The following RIMS1 variants were observed in gnomAD, a reference collection of about 807,000 sequenced individuals.
The protein encoded by RIMS1 is regulating synaptic membrane exocytosis protein 1.
In RIMS1, 83 loss-of-function variants were observed where a neutral mutation model predicts 214.1. The observed-to-expected ratio is 0.39, with a 90% confidence interval of 0.32 to 0.47. The LOEUF is 0.47. Ranked by LOEUF, RIMS1 falls within the 20% of genes least tolerant of loss-of-function variation. The pLI is 0.99. For synonymous variants in RIMS1, 793 were observed against 786.8 expected, an observed-to-expected ratio of 1.01 and a Z score of -0.13; for missense variants, 2,050 against 2,161.8, an observed-to-expected ratio of 0.95 and a Z score of 1.03.
chr6:72,200,022 C>A (rs1402473650), intron 6 of RIMS1, among the ~76,000 whole-genome samples: 2 of 151,878 alleles, frequency 1.3e-5, no homozygotes, highest in Non-Finnish European at 2.9e-5. Context: ...TAATTTTTAT[C>A]ATATGCATGC....
chr6:72,250,699 G>A (rs17783419), intron 13 of RIMS1, among the ~76,000 whole-genome samples: 1,691 of 152,058 alleles, frequency 0.011, 9 homozygotes, highest in Non-Finnish European at 0.017. Flanking sequence ...CTTTGATAGC[G>A]ACACATCATT....
intron 1 of RIMS1, among the ~76,000 whole-genome samples, chr6:71,909,535 G>T (rs1044772627): frequency 4.0e-5 from 6 of 151,790 alleles, no homozygotes; most frequent in Admixed American, 2.0e-4. Context: ...TAACCCTCTA[G>T]GGTCTCTGAG....
Position 72,182,977 on chromosome 6 carries a change from C to T in RIMS1, c.1506C>T (p.Ser502=). Residue 502 remains serine (S), a synonymous_variant, in exon 6 of 34, where the codon AGC becomes AGT. Transcript: ENST00000521978. ...VETMLRNDSL[S]SDQSESVRPS... is the part of the protein sequence containing the mutation. ...CCATGCTGCGGAACGACTCTTTGAG[C>T]TCAGACCAGTCCGAGTCGGTGCGGC... The T allele has an allele frequency of 6.3e-7, 1 of 1,594,718 alleles. No homozygotes were observed. The highest frequency in any genetic ancestry group is 8.5e-7 in the Non-Finnish European group (1 of 1,171,822).
intron 2 of RIMS1, among the ~76,000 whole-genome samples, chr6:72,054,906 T>C (rs1825749928): frequency 6.6e-6 from 1 of 152,244 alleles, no homozygotes; most frequent in Admixed American, 6.5e-5. Flanking sequence ...GTTCTTTTGC[T>C]GTGCAGAAGC....
intron 28 of RIMS1, among the ~76,000 whole-genome samples, chr6:72,314,493 C>G (rs2095662486): frequency 6.6e-6 from 1 of 152,090 alleles, no homozygotes; most frequent in Non-Finnish European, 1.5e-5. Context: ...TGAAAATTCT[C>G]TCTTGTTTGT....
intron 29 of RIMS1, among the ~76,000 whole-genome samples, chr6:72,380,013 G>A (rs1037963457): frequency 4.6e-5 from 7 of 152,168 alleles, no homozygotes; most frequent in African/African-American, 1.4e-4. Context: ...GCCCATCAAT[G>A]ATAGACTGGA....
At chr6:72,224,111 A>G (rs747257850) in intron 6 of RIMS1, among the ~76,000 whole-genome samples, 7 of 152,194 alleles carry the variant, frequency 4.6e-5, no homozygotes, top group Non-Finnish European at 1.0e-4. Flanking sequence ...TCCATATAGT[A>G]AACAACCTGA....
At position 72,235,789 on chromosome 6, in the gene RIMS1, C is replaced by T. The variant is rs2807519; in HGVS notation, c.1857+61C>T. 499,113 of 797,446 alleles carry T rather than the reference C, an allele frequency of 0.63. 160,319 individuals carry two copies. The highest frequency in any genetic ancestry group is 0.98 in the East Asian group (31,977 of 32,514). The allele number at this position is 797,446 out of a possible 1,614,324, so 49.4% of individuals were successfully genotyped here. ...GAATTACAGTATGGTCTGCATTCAT[C>T]GGAGTTTCTGGCAATGATTTTTAAA... On this transcript the variant is annotated intron_variant, in intron 8 of 33. Coordinates refer to ENST00000521978, the MANE Select transcript of RIMS1 (RefSeq NM_014989.7).
chr6:72,188,497 T>C (rs988916212), intron 6 of RIMS1, among the ~76,000 whole-genome samples: 1 of 152,204 alleles, frequency 6.6e-6, no homozygotes, highest in African/African-American at 2.4e-5. Flanking sequence ...GATGAAGATA[T>C]TTTCTTAGCA....
chr6:71,960,645 A>G (rs1188135446), intron 1 of RIMS1, among the ~76,000 whole-genome samples: 1 of 152,068 alleles, frequency 6.6e-6, no homozygotes, highest in Non-Finnish European at 1.5e-5. Context: ...AGTTTTTCTC[A>G]TGTCCTCTCT....
chr6:72,092,320 C>CCTTCCTTCCTTCCTTCCTTCCTTCCTTT, intron 2 of RIMS1, among the ~76,000 whole-genome samples: 1 of 136,532 alleles, frequency 7.3e-6, no homozygotes, highest in Admixed American at 7.6e-5. Flanking sequence ...TTCCTTCCTT[C>CCTTCCTTCCTTCCTTCCTTCCTTCCTTT]CATAATATTG....
intron 12 of RIMS1, among the ~76,000 whole-genome samples, chr6:72,249,923 A>T (rs2072340815): frequency 6.6e-6 from 1 of 152,042 alleles, no homozygotes; most frequent in Admixed American, 6.6e-5. Context: ...AATTTTAACT[A>T]CCTGTGACAC....
chr6:72,109,225 A>G (rs898992536), intron 4 of RIMS1, among the ~76,000 whole-genome samples: 5 of 152,130 alleles, frequency 3.3e-5, no homozygotes, highest in African/African-American at 1.2e-4. Flanking sequence ...CAGTAATGGG[A>G]TGGCTGGGTC....
At position 72,313,754 on chromosome 6, in the gene RIMS1, A is replaced by G. The variant is rs145114505; in HGVS notation, c.4130+82A>G. 216 of 1,388,876 alleles carry G rather than the reference A, an allele frequency of 1.6e-4. 1 individual carries two copies. In the East Asian group the frequency reaches 3.1e-3, roughly 20 times the overall value. 86.0% of individuals were successfully genotyped at this position (1,388,876 alleles called of 1,614,324 possible). On this transcript the variant is annotated intron_variant, in intron 28 of 33. Coordinates refer to ENST00000521978, the MANE Select transcript of RIMS1 (RefSeq NM_014989.7). ...AACTAGCTTCCTGAATATTTTTTCT[A>G]TAATACAGTTTAGGTCACAGTGGGT...
chr6:71,886,917 C>A lies in RIMS1; in HGVS notation c.-107C>A, dbSNP rs995947656. 4.4e-6 allele frequency: 6 copies of A among 1,354,638 alleles called. No individual in the cohort carries two copies. The African/African-American group carries it at 5.8e-5, about 13-fold the overall frequency. The allele number at this position is 1,354,638 out of a possible 1,614,324, so 83.9% of individuals were successfully genotyped here. A position where few individuals can be genotyped will look rare whatever the true frequency, so the allele number is the denominator to read the frequency against. On this transcript the variant is annotated 5_prime_UTR_variant, in exon 1 of 34. Transcript: ENST00000521978. ...CCGCCGCTGCTCCTCCTCCTGCCGCCGCCGCTAGGGCTCCGCTGTGAGGGG... is the reference window on the plus strand; with the variant it reads ...CCGCCGCTGCTCCTCCTCCTGCCGCAGCCGCTAGGGCTCCGCTGTGAGGGG...
chr6:72,143,888 A>G (rs2042380388), intron 4 of RIMS1, among the ~76,000 whole-genome samples: 1 of 152,208 alleles, frequency 6.6e-6, no homozygotes, highest in Non-Finnish European at 1.5e-5. Flanking sequence ...TGAGCCATCT[A>G]TAGTTTTTAG....
intron 2 of RIMS1, among the ~76,000 whole-genome samples, chr6:72,004,288 G>A (rs1217526929): frequency 6.6e-6 from 1 of 151,880 alleles, no homozygotes; most frequent in Non-Finnish European, 1.5e-5. Flanking sequence ...ATTTGGGTTG[G>A]CTCCAAGTCT....
At chr6:72,386,090 C>T (rs1377807023) in intron 29 of RIMS1, among the ~76,000 whole-genome samples, 1 of 152,056 alleles carries the variant, frequency 6.6e-6, no homozygotes, top group Non-Finnish European at 1.5e-5. Context: ...ATTTTTCAAG[C>T]ATTTGTGTCC....
chr6:72,050,031 G>C (rs982569471), intron 2 of RIMS1, among the ~76,000 whole-genome samples: 2 of 152,080 alleles, frequency 1.3e-5, no homozygotes, highest in African/African-American at 2.4e-5. Flanking sequence ...AAGGAAAAAT[G>C]ATTTTTAAGA....
Sources: gnomAD v4.1 joint callset for allele counts (sites outside exome capture counted in the v4.1 genomes callset) on GRCh38, gnomAD v4.1.1 for gene constraint, MANE v1.5 for transcripts, NCBI Gene and HGNC (gene_info 2026-07-23, HGNC 2026-07-21) for gene names.